Variants in USO1 observed in about 807,000 individuals in gnomAD.
USO1 encodes general vesicular transport factor p115.
In USO1, 57 loss-of-function variants were observed where a neutral mutation model predicts 124.5. That is an observed-to-expected ratio of 0.46 (90% CI 0.37 to 0.57). The LOEUF is 0.57. Among genes scored for constraint, USO1 ranks in the 20% least tolerant of loss-of-function variants. The pLI is 0.00. For missense variants in USO1, 900 were observed against 1,040.6 expected, an observed-to-expected ratio of 0.86 and a Z score of 1.86; for synonymous variants, 369 against 362.8, an observed-to-expected ratio of 1.02 and a Z score of -0.19.
intron 9 of USO1, among the ~76,000 whole-genome samples, chr4:75,783,880 A>G (rs1159466083): frequency 6.6e-6 from 1 of 151,358 alleles, no homozygotes; most frequent in Admixed American, 6.6e-5. Flanking sequence ...ACTTAGTTAC[A>G]GAGTCTATTT....
chr4:75,742,230 G>A (rs908568850), intron 1 of USO1, among the ~76,000 whole-genome samples: 2 of 152,094 alleles, frequency 1.3e-5, no homozygotes, highest in Non-Finnish European at 2.9e-5. Flanking sequence ...GTACACAATT[G>A]TCTGTGCCAT....
chr4:75,766,715 G>C (rs775192254), intron 4 of USO1, among the ~76,000 whole-genome samples: 3 of 152,172 alleles, frequency 2.0e-5, no homozygotes, highest in Middle Eastern at 6.3e-3. Context: ...AATCCTCACA[G>C]AAAACCCCAT....
rs780521556 is a variant in USO1 at position 75,787,212 on chromosome 4, A to G, written c.996+10A>G. The G allele has an allele frequency of 6.7e-7, 1 of 1,499,582 alleles. No individual in the cohort carries two copies. The highest frequency in any genetic ancestry group is 8.9e-7 in the Non-Finnish European group (1 of 1,126,706). 92.9% of individuals were successfully genotyped at this position (1,499,582 alleles called of 1,614,324 possible). A position where few individuals can be genotyped will look rare whatever the true frequency, so the allele number is the denominator to read the frequency against. On this transcript the variant is annotated intron_variant, in intron 10 of 23. Coordinates refer to ENST00000514213, the MANE Select transcript of USO1 (RefSeq NM_003715.4). ...TGATATCCTGACTGAGGTAAAGCAAATGAAGTCAAAGCCAACTCTGTGGAA... is the reference window on the plus strand; with the variant it reads ...TGATATCCTGACTGAGGTAAAGCAAGTGAAGTCAAAGCCAACTCTGTGGAA...
intron 1 of USO1, 142 bp downstream of exon 1, chr4:75,725,027 G>C (rs888054886): frequency 1.2e-6 from 1 of 841,264 alleles, no homozygotes; most frequent in Non-Finnish European, 1.9e-6. Context: ...CCCTCCTTCC[G>C]CTCCTGAAAT....
chr4:75,796,541 G>T (rs1722686790), intron 13 of USO1, among the ~76,000 whole-genome samples: 1 of 151,372 alleles, frequency 6.6e-6, no homozygotes, highest in Admixed American at 6.6e-5. Flanking sequence ...TCATCATGTT[G>T]GCCAGGCTGG....
intron 15 of USO1, 32 bp downstream of exon 15, chr4:75,800,501 A>G (rs757823998): frequency 1.3e-6 from 2 of 1,544,282 alleles, no homozygotes; most frequent in Admixed American, 4.6e-5. Context: ...TTCTAATGGC[A>G]TCAAGAGATA....
At chr4:75,737,281 AT>A (rs144943992) in intron 1 of USO1, among the ~76,000 whole-genome samples, 4,866 of 152,328 alleles carry the variant, frequency 0.032, 85 homozygotes, top group Non-Finnish European at 0.042. Flanking sequence ...GAATTTCAAA[AT>A]GTAAAACACA....
intron 1 of USO1, among the ~76,000 whole-genome samples, chr4:75,739,301 CA>C (rs758614506): frequency 1.3e-5 from 2 of 152,050 alleles, no homozygotes; most frequent in Non-Finnish European, 2.9e-5. Flanking sequence ...TTCTTACTTG[CA>C]AATTCACCTA....
At chr4:75,791,102 A>G (rs1353601724) in intron 12 of USO1, among the ~76,000 whole-genome samples, 2 of 152,166 alleles carry the variant, frequency 1.3e-5, no homozygotes. Context: ...TGGGGTTAAT[A>G]CCCCATTAGG....
chr4:75,730,686 AT>A (rs1720606173), intron 1 of USO1, among the ~76,000 whole-genome samples: 1 of 152,088 alleles, frequency 6.6e-6, no homozygotes, highest in Admixed American at 6.6e-5. Context: ...TATTATTAAT[AT>A]TACTGCTTTG....
intron 13 of USO1, among the ~76,000 whole-genome samples, chr4:75,798,195 A>AAGCC (rs1438898379): frequency 6.6e-6 from 1 of 151,896 alleles, no homozygotes; most frequent in Non-Finnish European, 1.5e-5. Context: ...TAGACCCCAA[A>AAGCC]AGCCATGCTT....
intron 1 of USO1, among the ~76,000 whole-genome samples, chr4:75,726,558 A>C (rs1720467662): frequency 1.6e-5 from 2 of 128,984 alleles, no homozygotes; most frequent in South Asian, 5.2e-4. Flanking sequence ...GCATGAAGAG[A>C]CTCCATCTCA....
chr4:75,802,744 T>C (rs1253264467), intron 17 of USO1, among the ~76,000 whole-genome samples: 2 of 137,578 alleles, frequency 1.5e-5, no homozygotes, highest in Non-Finnish European at 3.1e-5. Flanking sequence ...TTCTTTTTTT[T>C]TTTTTTTTTT....
At chr4:75,791,471 C>T (rs1722531571) in intron 12 of USO1, among the ~76,000 whole-genome samples, 1 of 152,182 alleles carries the variant, frequency 6.6e-6, no homozygotes, top group Admixed American at 6.5e-5. Context: ...TTGCAGTGAG[C>T]TGAGATTGTG....
At position 75,800,425 on chromosome 4, in the gene USO1, C is replaced by A; in HGVS notation, c.1638C>A (p.Gly546=). The A allele has an allele frequency of 6.3e-7, 1 of 1,594,516 alleles. No individual in the cohort carries two copies. Among genetic ancestry groups the A allele is most frequent in the Non-Finnish European group, 8.5e-7 (1 of 1,170,090 alleles). The change falls in exon 15 of 24, where the codon GGC becomes GGA. Residue 546 remains glycine (G), a synonymous_variant. Coordinates refer to ENST00000514213, the MANE Select transcript of USO1 (RefSeq NM_003715.4). ...LVQGLCALLL[G]ISIYFNDNSL... The stretch of plus-strand genomic sequence containing the variant: ...AAGGCTTATGTGCCCTTTTGTTGGG[C>A]ATTTCGATTTATTTCAATGATAACT...
chr4:75,772,172 A>C (rs975957072), intron 7 of USO1, among the ~76,000 whole-genome samples: 2 of 152,204 alleles, frequency 1.3e-5, no homozygotes, highest in Non-Finnish European at 2.9e-5. Flanking sequence ...TGTACTTAAA[A>C]TTTTGTAATA....
intron 1 of USO1, among the ~76,000 whole-genome samples, chr4:75,741,600 A>ATTTTTTTTTTTTTTTT (rs1720961754): frequency 7.7e-6 from 1 of 129,124 alleles, no homozygotes. Flanking sequence ...TACTTTTTAA[A>ATTTTTTTTTTTTTTTT]CTTTTTTTTT....
chr4:75,749,640 T>G (rs763323720), intron 1 of USO1, among the ~76,000 whole-genome samples: 69 of 151,826 alleles, frequency 4.5e-4, no homozygotes, highest in Non-Finnish European at 8.1e-4. Flanking sequence ...CTAAAGTACA[T>G]TCTTTAGTAA....
intron 14 of USO1, 43 bp from the exon 15 acceptor site, chr4:75,800,308 A>G (rs1236690231): frequency 1.3e-6 from 2 of 1,533,986 alleles, no homozygotes; most frequent in Non-Finnish European, 1.8e-6. Context: ...TGCAAAATGT[A>G]CTAGATATTT....
Sources: gnomAD v4.1 joint callset for allele counts (sites outside exome capture counted in the v4.1 genomes callset) on GRCh38, gnomAD v4.1.1 for gene constraint, MANE v1.5 for transcripts, NCBI Gene and HGNC (gene_info 2026-07-23, HGNC 2026-07-21) for gene names.